The following CHD1L variants were observed in gnomAD, a reference collection of about 807,000 sequenced individuals.
The protein encoded by CHD1L is chromodomain helicase DNA binding protein 1 like.
A neutral mutation model predicts 115.9 loss-of-function variants in CHD1L; 118 were observed. The ratio of observed to expected loss-of-function variants is 1.02; its 90% CI spans 0.88 to 1.19. The LOEUF (loss-of-function observed/expected upper bound fraction) is 1.19, where lower values mean the gene tolerates loss of function less well. CHD1L is among the 50% of genes most tolerant of loss of function. CHD1L has a pLI of 0.00. For missense variants in CHD1L, 1,179 were observed against 1,065.3 expected, an observed-to-expected ratio of 1.11 and a Z score of -1.49; for synonymous variants, 411 against 387.1, an observed-to-expected ratio of 1.06 and a Z score of -0.72.
rs782507976 is a variant in CHD1L, at chr1:147,293,867, G to A, written c.2506+145G>A. The A allele has an allele frequency of 4.9e-5, 32 of 656,190 alleles. 1 individual carries two copies. The East Asian group carries it at 4.9e-4, about 10-fold the overall frequency. The allele number at this position is 656,190 out of a possible 1,614,324, so 40.6% of individuals were successfully genotyped here. On this transcript the variant is annotated intron_variant, in intron 21 of 22. Coordinates refer to ENST00000369258, the MANE Select transcript of CHD1L (RefSeq NM_004284.6). ...ACAGAAGTGATCACCCCACCGTCTT[G>A]TAGTCATATAGCCCCTTGTCCTTTC...
chr1:147,256,982 C>T (rs1393260243), intron 5 of CHD1L, among the ~76,000 whole-genome samples: 1 of 152,134 alleles, frequency 6.6e-6, no homozygotes, highest in African/African-American at 2.4e-5. Context: ...CTGGACATAA[C>T]CTAAAATAGC....
At chr1:147,275,782 T>TAAAA (rs1344302937) in intron 13 of CHD1L, among the ~76,000 whole-genome samples, 24,452 of 139,170 alleles carry the variant, frequency 0.18, 2,779 homozygotes, top group Middle Eastern at 0.25. Flanking sequence ...GGAGCTAAGC[T>TAAAA]AAAAAAAAAA....
At chr1:147,173,981 C>G in the CHD1L span, among the ~76,000 whole-genome samples, 1 of 152,206 alleles carries the variant, frequency 6.6e-6, no homozygotes, top group Non-Finnish European at 1.5e-5. Context: ...TTAAACACGG[C>G]CAATGATGGG....
chr1:147,189,401 T>C, the CHD1L span, among the ~76,000 whole-genome samples: 1 of 151,832 alleles, frequency 6.6e-6, no homozygotes, highest in African/African-American at 2.4e-5. Context: ...AGGAGGAAAA[T>C]AGGAGAGCAC....
rs587773379 is a variant in CHD1L, at chr1:147,270,825, T to G, written c.1086-107T>G. ...AATCATACGACACTTATATTTCTACTTTGGTATTTATTTATAAACTTTTAT... is the reference window on the plus strand; with the variant it reads ...AATCATACGACACTTATATTTCTACGTTGGTATTTATTTATAAACTTTTAT... On this transcript the variant is annotated intron_variant, in intron 10 of 22. Coordinates refer to ENST00000369258, the MANE Select transcript of CHD1L (RefSeq NM_004284.6). 2.5e-3 allele frequency: 2,211 copies of G among 874,898 alleles called. 4 individuals are homozygous for G. Among genetic ancestry groups the G allele is most frequent in the Non-Finnish European group, 3.5e-3 (1,853 of 536,942 alleles). The allele number at this position is 874,898 out of a possible 1,614,324, so 54.2% of individuals were successfully genotyped here.
At chr1:147,190,051 CT>C in the CHD1L span, 15 of 602,992 alleles carry the variant, frequency 2.5e-5, no homozygotes, top group African/African-American at 2.7e-4. Flanking sequence ...ATTATTTTTC[CT>C]TTTTTCTTCA....
the CHD1L span, among the ~76,000 whole-genome samples, chr1:147,191,858 C>G: frequency 6.6e-6 from 1 of 151,996 alleles, no homozygotes; most frequent in Non-Finnish European, 1.5e-5. Context: ...CTGTCCTGTT[C>G]CATTGATCTA....
rs1489131866 is a variant in CHD1L at position 147,266,059 on chromosome 1, C to T, written c.867C>T (p.Tyr289=). ...YHGMSALQKK[Y]YKAILMKDLD... is the part of the protein sequence containing the mutation. ...GCATGTCAGCATTGCAGAAGAAATA[C>T]TACAAGGCCATTTTGATGAAAGACC... is the stretch of plus-strand genomic sequence containing the variant. Residue 289 remains tyrosine, a synonymous_variant, in exon 8 of 23, where the codon TAC becomes TAT. Transcript: ENST00000369258. 15 of 1,611,664 alleles carry T rather than the reference C, an allele frequency of 9.3e-6. No individual in the cohort carries two copies. The highest frequency in any genetic ancestry group is 1.6e-4 in the Middle Eastern group (1 of 6,072).
chr1:147,228,219 C>A, the CHD1L span, among the ~76,000 whole-genome samples: 5 of 147,296 alleles, frequency 3.4e-5, no homozygotes, highest in African/African-American at 7.5e-5. Context: ...TCCATGTGTT[C>A]TCATTGTTCA....
chr1:147,247,453 C>T (rs907767118), intron 1 of CHD1L, among the ~76,000 whole-genome samples: 5 of 152,118 alleles, frequency 3.3e-5, no homozygotes, highest in Non-Finnish European at 4.4e-5. Flanking sequence ...GCATCCCCCA[C>T]GCCTTTCTTC....
intron 19 of CHD1L, among the ~76,000 whole-genome samples, chr1:147,288,082 T>C (rs1350473443): frequency 1.3e-5 from 2 of 152,032 alleles, no homozygotes; most frequent in Non-Finnish European, 2.9e-5. Flanking sequence ...TCCCAGACTT[T>C]GGGAGGCTGA....
the CHD1L span, among the ~76,000 whole-genome samples, chr1:147,202,191 C>T: frequency 6.6e-6 from 1 of 151,468 alleles, no homozygotes; most frequent in African/African-American, 2.4e-5. Context: ...CTAGGGACAG[C>T]GTAGGATACG....
chr1:147,266,093 C>CTCT lies in CHD1L; in HGVS notation c.895+6_895+7insTCT, dbSNP rs1334515671. On this transcript the variant is annotated splice_region_variant and intron_variant, in intron 8 of 22. Coordinates refer to ENST00000369258, the MANE Select transcript of CHD1L (RefSeq NM_004284.6). ...CATTTTGATGAAAGACCTAGGTAATCAGAGGGCACTTGTCCATTTAGAAAC... is the reference window on the plus strand; with the variant it reads ...CATTTTGATGAAAGACCTAGGTAATCTCTAGAGGGCACTTGTCCATTTAGAAAC... 1 of 1,605,048 alleles carries CTCT rather than the reference C, an allele frequency of 6.2e-7. No homozygotes were observed. The highest frequency in any genetic ancestry group is 1.7e-5 in the Admixed American group (1 of 58,226).
the CHD1L span, chr1:147,203,733 C>T: frequency 1.3e-6 from 2 of 1,536,648 alleles, no homozygotes; most frequent in Non-Finnish European, 1.8e-6. Flanking sequence ...CTTGTAAGAA[C>T]TTTGAAAGTA....
chr1:147,186,829 A>G, the CHD1L span: 2 of 1,527,520 alleles, frequency 1.3e-6, no homozygotes. Flanking sequence ...CTGAGAGTCA[A>G]TCTCGTCAGA....
chr1:147,213,239 T>A, the CHD1L span: 1 of 1,272,324 alleles, frequency 7.9e-7, no homozygotes, highest in South Asian at 1.8e-5. Flanking sequence ...CAGACCACAA[T>A]CCTCCCATTC....
chr1:147,202,351 CT>C, the CHD1L span, among the ~76,000 whole-genome samples: 135,309 of 135,378 alleles, frequency 1, 67,620 homozygotes, highest in East Asian at 1. Flanking sequence ...AGAGTCTCTA[CT>C]TCTTTTGCCG....
the CHD1L span, chr1:147,178,584 A>T: frequency 6.2e-7 from 1 of 1,607,248 alleles, no homozygotes; most frequent in Non-Finnish European, 8.5e-7. Flanking sequence ...CCTCTATAGT[A>T]GGTTTTTTCG....
chr1:147,286,217 T>C (rs1014176834), intron 17 of CHD1L, 81 bp from the exon 18 acceptor site: 1 of 1,319,864 alleles, frequency 7.6e-7, no homozygotes, highest in South Asian at 1.4e-5. Context: ...AGATATTGTT[T>C]GTGAACAGCA....
Sources: allele counts gnomAD v4.1 joint callset (sites outside exome capture counted in the v4.1 genomes callset), GRCh38; gene constraint gnomAD v4.1.1; transcripts MANE v1.5; gene names NCBI Gene and HGNC (gene_info 2026-07-23, HGNC 2026-07-21).